The following LRRC37A2 variants were observed in gnomAD, a reference collection of about 807,000 sequenced individuals.
The protein encoded by LRRC37A2 is leucine-rich repeat-containing protein 37A2.
In LRRC37A2, 9 loss-of-function variants were observed where a neutral mutation model predicts 68.8. The ratio of observed to expected loss-of-function variants is 0.13; its 90% CI spans 0.08 to 0.23. LRRC37A2 has a LOEUF of 0.23. Ranked by LOEUF, LRRC37A2 falls within the 10% of genes least tolerant of loss-of-function variation. The pLI is 1.00. For missense variants in LRRC37A2, 168 were observed against 950.4 expected, an observed-to-expected ratio of 0.18 and a Z score of 10.82; for synonymous variants, 63 against 367.6, an observed-to-expected ratio of 0.17 and a Z score of 9.48.
the LRRC37A2 span, among the ~76,000 whole-genome samples, chr17:47,005,009 C>A: frequency 1.3e-5 from 2 of 152,100 alleles, no homozygotes; most frequent in Non-Finnish European, 2.9e-5. Context: ...GAATTTAGTC[C>A]AATATTAGTG....
chr17:46,942,479 C>G, the LRRC37A2 span, among the ~76,000 whole-genome samples: 3 of 152,196 alleles, frequency 2.0e-5, 1 homozygote, highest in South Asian at 6.2e-4. Flanking sequence ...AACCATGGGC[C>G]CACTTAATCT....
the LRRC37A2 span, among the ~76,000 whole-genome samples, chr17:46,864,136 A>G: frequency 6.6e-6 from 1 of 152,194 alleles, no homozygotes; most frequent in African/African-American, 2.4e-5. Flanking sequence ...GAAGAGGGTG[A>G]TCGGAGCCCA....
chr17:46,796,536 G>C, the LRRC37A2 span, among the ~76,000 whole-genome samples: 27 of 152,358 alleles, frequency 1.8e-4, no homozygotes, highest in African/African-American at 5.5e-4. Context: ...CTCAGAAGGA[G>C]TTGGATGAGA....
the LRRC37A2 span, chr17:46,936,041 G>A: frequency 1.0e-6 from 1 of 985,808 alleles, no homozygotes; most frequent in Non-Finnish European, 1.2e-6. Flanking sequence ...TTTCTGAACA[G>A]TCCCTGCCAT....
chr17:46,885,080 C>T, the LRRC37A2 span: 2 of 439,908 alleles, frequency 4.5e-6, 1 homozygote, highest in Admixed American at 4.9e-5. Context: ...CCTCCACCTC[C>T]CGGATTCAAG....
the LRRC37A2 span, among the ~76,000 whole-genome samples, chr17:47,043,392 GGGAGGCTAAGGCA>G: frequency 6.6e-6 from 1 of 150,382 alleles, no homozygotes; most frequent in Non-Finnish European, 1.5e-5. Context: ...CCAGCTACTC[GGGAGGCTAAGGCA>G]GGAGAATTGC....
chr17:46,982,924 C>T, the LRRC37A2 span, among the ~76,000 whole-genome samples: 51 of 152,288 alleles, frequency 3.3e-4, 2 homozygotes, highest in South Asian at 0.011. Context: ...TCAGGTACGT[C>T]CTGTTGGTGG....
chr17:46,959,161 AG>A, the LRRC37A2 span, among the ~76,000 whole-genome samples: 1 of 152,192 alleles, frequency 6.6e-6, no homozygotes, highest in Non-Finnish European at 1.5e-5. Flanking sequence ...GGGAAGTAGG[AG>A]GTTGGGCGTA....
At chr17:46,853,252 A>G in the LRRC37A2 span, among the ~76,000 whole-genome samples, 719 of 151,910 alleles carry the variant, frequency 4.7e-3, 10 homozygotes, top group African/African-American at 0.017. Context: ...CAGTCTCTCA[A>G]TCTGTAAAAT....
chr17:46,989,201 A>C, the LRRC37A2 span, among the ~76,000 whole-genome samples: 4 of 152,316 alleles, frequency 2.6e-5, no homozygotes, highest in South Asian at 8.3e-4. Context: ...AACGTGTTGT[A>C]GGGACTCCTG....
At chr17:47,004,505 A>G in the LRRC37A2 span, among the ~76,000 whole-genome samples, 2 of 152,178 alleles carry the variant, frequency 1.3e-5, no homozygotes, top group Admixed American at 1.3e-4. Flanking sequence ...TCAGGGCAGA[A>G]TATAATTTTA....
chr17:46,552,466 G>A (rs1335564745), intron 11 of LRRC37A2: 1 of 34,756 alleles, frequency 2.9e-5, no homozygotes, highest in Non-Finnish European at 5.3e-5. Flanking sequence ...GTAGAGACAA[G>A]GTCTTGCTAT....
the LRRC37A2 span, among the ~76,000 whole-genome samples, chr17:46,896,229 G>A: frequency 6.6e-6 from 1 of 151,664 alleles, no homozygotes; most frequent in Non-Finnish European, 1.5e-5. Context: ...GGGAGACGGA[G>A]GTTGCGGTGA....
the LRRC37A2 span, among the ~76,000 whole-genome samples, chr17:46,740,747 C>T: frequency 5.8e-3 from 874 of 151,526 alleles, 2 homozygotes; most frequent in Middle Eastern, 0.034. Context: ...CTGCAACCTC[C>T]GCCTCCTGGG....
At chr17:46,983,236 G>T in the LRRC37A2 span, among the ~76,000 whole-genome samples, 1 of 151,338 alleles carries the variant, frequency 6.6e-6, no homozygotes, top group East Asian at 1.9e-4. Context: ...ACCCCATCTG[G>T]CCTGGACCTA....
chr17:46,724,936 A>G, the LRRC37A2 span, among the ~76,000 whole-genome samples: 1 of 152,080 alleles, frequency 6.6e-6, no homozygotes, highest in South Asian at 2.1e-4. Context: ...GATATCTCCA[A>G]CTTCTCACTT....
chr17:46,418,193 T>TG, the LRRC37A2 span, among the ~76,000 whole-genome samples: 1 of 57,074 alleles, frequency 1.8e-5, no homozygotes, highest in African/African-American at 3.8e-5. Context: ...GGAAAATAAA[T>TG]TGTGTGTGTG....
At chr17:46,954,827 A>G in the LRRC37A2 span, among the ~76,000 whole-genome samples, 2 of 151,850 alleles carry the variant, frequency 1.3e-5, no homozygotes, top group Non-Finnish European at 1.5e-5. Context: ...GCTGTCTGTT[A>G]TTGGTGTATA....
chr17:46,924,559 G>A, the LRRC37A2 span: 1 of 152,212 alleles, frequency 6.6e-6, no homozygotes, highest in Non-Finnish European at 1.5e-5. Context: ...GCCTGGAAAT[G>A]AAATGCCCTG....
Sources: allele counts gnomAD v4.1 joint callset (sites outside exome capture counted in the v4.1 genomes callset), GRCh38; gene constraint gnomAD v4.1.1; transcripts MANE v1.5; gene names NCBI Gene and HGNC (gene_info 2026-07-23, HGNC 2026-07-21).